MAGI3: variants seen among roughly 807,000 people sequenced by gnomAD.
MAGI3 encodes the protein membrane-associated guanylate kinase, WW and PDZ domain-containing protein 3.
MAGI3 carries 43 observed loss-of-function variants against 121.8 expected under a neutral mutation model. That is an observed-to-expected ratio of 0.35 (90% CI 0.28 to 0.46). The LOEUF is 0.46. MAGI3 is among the 20% of genes least tolerant of loss of function. The pLI, the probability that MAGI3 is intolerant of heterozygous loss-of-function variation, is 1.00. For synonymous variants in MAGI3, 553 were observed against 639.3 expected, an observed-to-expected ratio of 0.86 and a Z score of 2.04; for missense variants, 1,547 against 1,797.3, an observed-to-expected ratio of 0.86 and a Z score of 2.52.
intron 1 of MAGI3, among the ~76,000 whole-genome samples, chr1:113,397,156 C>A (rs1651157878): frequency 6.6e-6 from 1 of 151,984 alleles, no homozygotes; most frequent in African/African-American, 2.4e-5. Context: ...GGTCGAATAC[C>A]AGAAGAAGTA....
At chr1:113,618,494 C>A (rs1217200) in intron 7 of MAGI3, 325,775 of 446,530 alleles carry the variant, frequency 0.73, 121,246 homozygotes, top group African/African-American at 0.83. Flanking sequence ...ACTCATATCA[C>A]CTCTTTATTT....
At chr1:113,598,463 A>G (rs557769804) in intron 6 of MAGI3, among the ~76,000 whole-genome samples, 5 of 152,134 alleles carry the variant, frequency 3.3e-5, no homozygotes, top group Non-Finnish European at 7.3e-5. Flanking sequence ...ATTCCTATAG[A>G]CTCAACGTAA....
chr1:113,572,158 G>A (rs561318769), intron 2 of MAGI3, among the ~76,000 whole-genome samples: 2 of 152,144 alleles, frequency 1.3e-5, no homozygotes, highest in East Asian at 3.9e-4. Flanking sequence ...TAATCATGTG[G>A]TTTTTGTCAT....
chr1:113,579,070 TGCCAG>T (rs1283091421), intron 2 of MAGI3, among the ~76,000 whole-genome samples: 1 of 152,204 alleles, frequency 6.6e-6, no homozygotes, highest in African/African-American at 2.4e-5. Context: ...AAGAGCATAT[TGCCAG>T]GCACTGTCCT....
intron 1 of MAGI3, among the ~76,000 whole-genome samples, chr1:113,462,436 T>C (rs573022395): frequency 6.6e-6 from 1 of 152,324 alleles, no homozygotes; most frequent in South Asian, 2.1e-4. Context: ...GAGGCTATTA[T>C]CCTTAACAAA....
intron 1 of MAGI3, among the ~76,000 whole-genome samples, chr1:113,477,757 A>T (rs1324493304): frequency 1.3e-5 from 2 of 152,080 alleles, no homozygotes; most frequent in Non-Finnish European, 2.9e-5. Context: ...GTATTTCCTG[A>T]ATTTGAATGT....
At chr1:113,440,067 C>A (rs895730709) in intron 1 of MAGI3, among the ~76,000 whole-genome samples, 1 of 152,220 alleles carries the variant, frequency 6.6e-6, no homozygotes, top group Admixed American at 6.5e-5. Flanking sequence ...GTGTCTTAAT[C>A]GCTATAAATC....
At chr1:113,465,449 T>C (rs576046026) in intron 1 of MAGI3, among the ~76,000 whole-genome samples, 1 of 152,314 alleles carries the variant, frequency 6.6e-6, no homozygotes, top group Non-Finnish European at 1.5e-5. Flanking sequence ...CCCTTCCAGC[T>C]TCATTCTTTT....
At chr1:113,533,114 G>C (rs1198780314) in intron 1 of MAGI3, among the ~76,000 whole-genome samples, 1 of 152,132 alleles carries the variant, frequency 6.6e-6, no homozygotes, top group African/African-American at 2.4e-5. Context: ...CGTAGTATTA[G>C]TATTTGCCTA....
Position 113,549,463 on chromosome 1 carries a change from G to A in MAGI3, c.317-52G>A, listed in dbSNP as rs552555641. ...TACTAGCTTCTATATTTAAGTGAAC[G>A]TCTAAAAATTATGCATTTATTTTCT... On this transcript the variant is annotated intron_variant, in intron 1 of 20. Transcript: ENST00000307546. The A allele has an allele frequency of 6.8e-5, 66 of 977,602 alleles. No homozygotes were observed. In the East Asian group the frequency reaches 9.0e-4, roughly 13 times the overall value. The allele number at this position is 977,602 out of a possible 1,614,324, so 60.6% of individuals were successfully genotyped here.
chr1:113,507,366 T>G (rs932333630), intron 1 of MAGI3, among the ~76,000 whole-genome samples: 1 of 152,142 alleles, frequency 6.6e-6, no homozygotes, highest in Non-Finnish European at 1.5e-5. Flanking sequence ...GGGGATAGCG[T>G]TTATGTTATT....
intron 1 of MAGI3, among the ~76,000 whole-genome samples, chr1:113,529,038 CTT>C (rs1415527728): frequency 6.6e-6 from 1 of 152,080 alleles, no homozygotes; most frequent in Non-Finnish European, 1.5e-5. Flanking sequence ...GTTTTATTCT[CTT>C]GAATTTATAA....
chr1:113,622,094 T>A (rs1480737589), intron 8 of MAGI3, among the ~76,000 whole-genome samples: 1 of 152,238 alleles, frequency 6.6e-6, no homozygotes, highest in Non-Finnish European at 1.5e-5. Flanking sequence ...TTCTATGGTA[T>A]GTGAATTATA....
At chr1:113,641,509 AT>A (rs1327536779) in intron 9 of MAGI3, among the ~76,000 whole-genome samples, 1 of 152,144 alleles carries the variant, frequency 6.6e-6, no homozygotes, top group Non-Finnish European at 1.5e-5. Flanking sequence ...TATTCAAAAA[AT>A]ATAATACAGT....
At chr1:113,478,437 C>T (rs1018762344) in intron 1 of MAGI3, among the ~76,000 whole-genome samples, 1 of 151,812 alleles carries the variant, frequency 6.6e-6, no homozygotes, top group African/African-American at 2.4e-5. Flanking sequence ...TTTTTGTTGA[C>T]GTTGATGCTA....
chr1:113,623,509 A>T (rs112773693), intron 9 of MAGI3, among the ~76,000 whole-genome samples: 1 of 84,944 alleles, frequency 1.2e-5, no homozygotes, highest in Non-Finnish European at 2.5e-5. Flanking sequence ...TTTTTTTGAG[A>T]CGGAGTCTTG....
At position 113,406,687 on chromosome 1, in the gene MAGI3, G is replaced by A. The variant is rs1335716518; in HGVS notation, c.316+15338G>A. 2.0e-5 allele frequency among the ~76,000 whole-genome samples: 3 copies of A among 151,960 alleles called. No individual in the cohort carries two copies. The East Asian group carries it at 5.8e-4, about 29-fold the overall frequency. On this transcript the variant is annotated intron_variant, in intron 1 of 20. Transcript: ENST00000307546. ...CAGCTACTCATGAGATTTGAGACCA[G>A]GTGAACTGCCTGAGTTCAAGACCAG...
chr1:113,401,333 G>A (rs1320589944), intron 1 of MAGI3, among the ~76,000 whole-genome samples: 2 of 152,164 alleles, frequency 1.3e-5, no homozygotes, highest in African/African-American at 4.8e-5. Flanking sequence ...CACTGGGCAA[G>A]TACTTACAAT....
intron 1 of MAGI3, among the ~76,000 whole-genome samples, chr1:113,410,424 A>G (rs1651914449): frequency 6.6e-6 from 1 of 151,832 alleles, no homozygotes; most frequent in Admixed American, 6.6e-5. Flanking sequence ...AATTAATTTT[A>G]TTTTTCTTTT....
Sources: gnomAD v4.1 joint callset for allele counts (sites outside exome capture counted in the v4.1 genomes callset) on GRCh38, gnomAD v4.1.1 for gene constraint, MANE v1.5 for transcripts, NCBI Gene and HGNC (gene_info 2026-07-23, HGNC 2026-07-21) for gene names.